SPIDR: variants seen among roughly 807,000 people sequenced by gnomAD.
The protein encoded by SPIDR is scaffold protein involved in DNA repair, also known as DNA repair-scaffolding protein.
A neutral mutation model predicts 104.6 loss-of-function variants in SPIDR; 93 were observed. The observed-to-expected ratio is 0.89, with a 90% CI of 0.75 to 1.06. SPIDR has a LOEUF of 1.06. SPIDR is among the 50% of genes least tolerant of loss of function. SPIDR has a pLI of 0.00. For missense variants in SPIDR, 1,154 were observed against 1,111.2 expected (o/e 1.04, Z -0.55); for synonymous variants, 431 against 416.9 (o/e 1.03, Z -0.41).
intron 5 of SPIDR, among the ~76,000 whole-genome samples, chr8:47,303,157 C>T (rs1332675072): frequency 2.0e-5 from 3 of 152,220 alleles, no homozygotes; most frequent in Non-Finnish European, 4.4e-5. Context: ...GCTGCCCCTC[C>T]CGCAGCCTGG....
intron 5 of SPIDR, among the ~76,000 whole-genome samples, chr8:47,317,587 G>A (rs1010091324): frequency 1.3e-5 from 2 of 152,188 alleles, no homozygotes; most frequent in African/African-American, 2.4e-5. Context: ...CTGCAGCTTC[G>A]AAGAGAGTAG....
At chr8:47,389,670 C>G (rs2060345252) in intron 5 of SPIDR, among the ~76,000 whole-genome samples, 1 of 114,012 alleles carries the variant, frequency 8.8e-6, no homozygotes, top group Admixed American at 1.2e-4. Context: ...GCCTGGGCGA[C>G]AGAGCAAGAC....
At chr8:47,336,630 C>G (rs1455214872) in intron 5 of SPIDR, among the ~76,000 whole-genome samples, 1 of 152,114 alleles carries the variant, frequency 6.6e-6, no homozygotes, top group Non-Finnish European at 1.5e-5. Flanking sequence ...AGCAGAAGGT[C>G]ATTTCCTGAG....
chr8:47,506,227 G>A (rs1410552929), intron 8 of SPIDR, among the ~76,000 whole-genome samples: 3 of 152,148 alleles, frequency 2.0e-5, no homozygotes, highest in African/African-American at 7.2e-5. Context: ...AGACAGTTCA[G>A]CACAAATGCT....
intron 19 of SPIDR, among the ~76,000 whole-genome samples, chr8:47,731,248 G>A (rs1277021325): frequency 4.0e-5 from 6 of 149,164 alleles, no homozygotes; most frequent in African/African-American, 9.9e-5. Context: ...GCAAGACTCC[G>A]TCTCAGAAAA....
intron 8 of SPIDR, among the ~76,000 whole-genome samples, chr8:47,555,503 A>C (rs1354246433): frequency 1.3e-5 from 2 of 152,196 alleles, no homozygotes; most frequent in Admixed American, 6.5e-5. Flanking sequence ...AGTAACTTTT[A>C]ATTTGGTTCC....
intron 8 of SPIDR, among the ~76,000 whole-genome samples, chr8:47,592,926 G>T (rs1261293811): frequency 6.6e-6 from 1 of 151,968 alleles, no homozygotes; most frequent in Non-Finnish European, 1.5e-5. Context: ...TGCTTTTGTT[G>T]CCCGGGTTGG....
chr8:47,435,757 TTGTC>T (rs569783346), intron 7 of SPIDR, among the ~76,000 whole-genome samples: 2 of 152,224 alleles, frequency 1.3e-5, no homozygotes, highest in Non-Finnish European at 2.9e-5. Context: ...ACCTGAAACA[TTGTC>T]TGTCTGTGCG....
chr8:47,404,445 T>C (rs1554665993), intron 6 of SPIDR, among the ~76,000 whole-genome samples: 1 of 152,232 alleles, frequency 6.6e-6, no homozygotes, highest in African/African-American at 2.4e-5. Flanking sequence ...TTTTGCAGTC[T>C]ACCCATCTGA....
At chr8:47,464,530 A>C (rs1237766670) in intron 8 of SPIDR, among the ~76,000 whole-genome samples, 2 of 152,150 alleles carry the variant, frequency 1.3e-5, no homozygotes, top group African/African-American at 4.8e-5. Flanking sequence ...GGGCTACTGC[A>C]TACTGGGACT....
At chr8:47,687,675 C>T (rs571294297) in intron 11 of SPIDR, among the ~76,000 whole-genome samples, 1 of 152,326 alleles carries the variant, frequency 6.6e-6, no homozygotes, top group Admixed American at 6.5e-5. Context: ...CCAGAAGCCA[C>T]CTGCTGCCCC....
intron 5 of SPIDR, among the ~76,000 whole-genome samples, chr8:47,368,343 C>CAAAAAAA (rs34106189): frequency 1.0e-4 from 5 of 49,420 alleles, no homozygotes; most frequent in African/African-American, 3.1e-4. Context: ...GTTGAGAAGT[C>CAAAAAAA]AAAAAAAAAA....
chr8:47,537,740 TAATA>T (rs1195685969), intron 8 of SPIDR, among the ~76,000 whole-genome samples: 2 of 152,222 alleles, frequency 1.3e-5, no homozygotes, highest in Non-Finnish European at 2.9e-5. Context: ...TCACCAGCTG[TAATA>T]AATGTATCAC....
At chr8:47,368,395 A>C (rs996391588) in intron 5 of SPIDR, among the ~76,000 whole-genome samples, 1 of 133,132 alleles carries the variant, frequency 7.5e-6, no homozygotes, top group Non-Finnish European at 1.6e-5. Context: ...GGATTTTGCT[A>C]GGGAGATCCC....
At chr8:47,577,914 T>C (rs571639898) in intron 8 of SPIDR, among the ~76,000 whole-genome samples, 2 of 152,172 alleles carry the variant, frequency 1.3e-5, no homozygotes, top group Non-Finnish European at 1.5e-5. Context: ...TTTGAAAATA[T>C]CTGCTCTAGA....
chr8:47,280,822 G>A (rs1166534488), intron 2 of SPIDR, among the ~76,000 whole-genome samples: 2 of 152,172 alleles, frequency 1.3e-5, no homozygotes, highest in East Asian at 3.8e-4. Context: ...ATAGGTGTGA[G>A]CCCCCATGCC....
Position 47,599,015 on chromosome 8 carries a change from A to G in SPIDR, c.1363A>G (p.Ile455Val). Residue 455 changes from isoleucine (I) to valine (V), a missense_variant, in exon 10 of 20, where the codon ATC becomes GTC. Physicochemically the swap from Ile to Val is conservative, Grantham distance 29. Transcript: ENST00000297423. ...TGGGCACAAAGAAGCAAAACAGCGC[A>G]TCCCAACCAGCACTCCCCTGAGGGA... ...THGHKEAKQR[I>V]PTSTPLRDSL... 1 of 1,613,596 alleles carries G rather than the reference A, an allele frequency of 6.2e-7. No individual in the cohort carries two copies. The highest frequency in any genetic ancestry group is 1.1e-5 in the South Asian group (1 of 90,954).
intron 7 of SPIDR, among the ~76,000 whole-genome samples, chr8:47,416,493 G>A (rs1554675443): frequency 6.6e-6 from 1 of 152,112 alleles, no homozygotes; most frequent in Admixed American, 6.5e-5. Flanking sequence ...GAACATTTGT[G>A]TACCAGTTTT....
At chr8:47,584,136 C>G (rs2060025204) in intron 8 of SPIDR, among the ~76,000 whole-genome samples, 1 of 151,936 alleles carries the variant, frequency 6.6e-6, no homozygotes, top group African/African-American at 2.4e-5. Context: ...TAGATCATAT[C>G]ATATTTAGTC....
Sources: allele counts gnomAD v4.1 joint callset (sites outside exome capture counted in the v4.1 genomes callset), GRCh38; gene constraint gnomAD v4.1.1; transcripts MANE v1.5; gene names NCBI Gene and HGNC (gene_info 2026-07-23, HGNC 2026-07-21).